The following PHACTR2 variants were observed in gnomAD, a reference collection of about 807,000 sequenced individuals.
The protein encoded by PHACTR2 is phosphatase and actin regulator 2.
A neutral mutation model predicts 76.0 loss-of-function variants in PHACTR2; 30 were observed. The ratio of observed to expected loss-of-function variants is 0.39; its 90% CI spans 0.30 to 0.54. PHACTR2 has a LOEUF of 0.54. Ranked by LOEUF, PHACTR2 falls within the 20% of genes least tolerant of loss-of-function variation. PHACTR2 has a pLI of 0.61. For synonymous variants in PHACTR2, 292 were observed against 292.5 expected (o/e 1.00, Z 0.02); for missense variants, 696 against 781.1 (o/e 0.89, Z 1.30).
At chr6:143,584,304 C>T (rs1775602452) in intron 1 of PHACTR2, among the ~76,000 whole-genome samples, 1 of 152,196 alleles carries the variant, frequency 6.6e-6, no homozygotes. Context: ...CTAGAGACTT[C>T]ATTTTGCGTC....
Position 143,571,519 on chromosome 6 carries a change from C to A in PHACTR2, c.217+34312C>A, listed in dbSNP as rs1025755704. Among the ~76,000 whole-genome samples, 2 of 152,160 alleles carry A rather than the reference C, an allele frequency of 1.3e-5. No individual in the cohort carries two copies. Among genetic ancestry groups the A allele is most frequent in the Non-Finnish European group, 2.9e-5 (2 of 68,020 alleles). ...TCTTGACTGAGCTCAAACAATCCTC[C>A]CACCTCAGCCTCCTGAGCAGCTGGG... On this transcript the variant is annotated intron_variant, in intron 1 of 11. Transcript: ENST00000367584. This position sits in a 1 kb window ranked among gnomAD's most constrained non-coding sequence, Gnocchi z 4.6.
rs1779446104 is a variant in PHACTR2, at chr6:143,761,670, C to A, written c.694+1030C>A. Among the ~76,000 whole-genome samples, 2 of 152,068 alleles carry A rather than the reference C, an allele frequency of 1.3e-5. No homozygotes were observed. Among genetic ancestry groups the A allele is most frequent in the Admixed American group, 1.3e-4 (2 of 15,270 alleles). ...TCAGGAGGCTGAGGCAGGAAAATCG[C>A]TTGAACCCAGGAGGCAGAAGTTGCG... On this transcript the variant is annotated intron_variant, in intron 5 of 12. Transcript: ENST00000440869. The surrounding 1 kb of genome is among the most constrained non-coding windows in gnomAD (Gnocchi z 5.2).
At chr6:143,713,388 C>A (rs1280287407) in intron 2 of PHACTR2, among the ~76,000 whole-genome samples, 2 of 152,082 alleles carry the variant, frequency 1.3e-5, no homozygotes, top group African/African-American at 2.4e-5. Context: ...TCAAGCTGGG[C>A]AATGGGTCCA....
chr6:143,829,164 A>C lies in PHACTR2; in HGVS notation c.*5475A>C, dbSNP rs968975838. On this transcript the variant is annotated 3_prime_UTR_variant, in exon 13 of 13. Transcript: ENST00000440869. ...ACTTAAAGTCCCTATATATACTTAA[A>C]GGAGAGATCATACATGAAGAAAGCT... 6.8e-6 allele frequency: 1 copy of C among 147,680 alleles called. No homozygotes were observed. Among genetic ancestry groups the C allele is most frequent in the Non-Finnish European group, 1.5e-5 (1 of 67,322 alleles). 9.1% of individuals were successfully genotyped at this position (147,680 alleles called of 1,614,324 possible).
chr6:143,803,771 C>A lies in PHACTR2; in HGVS notation c.1846-3286C>A, dbSNP rs142498166. ...CTGTATTTTGTAAATAGGAATACCA[C>A]TACTAAAACCATAATGCTATAAATA... On this transcript the variant is annotated intron_variant, in intron 11 of 12. Coordinates refer to ENST00000440869, the MANE Select transcript of PHACTR2 (RefSeq NM_001100164.2). The surrounding 1 kb of genome is among the most constrained non-coding windows in gnomAD (Gnocchi z 4.7). Among the ~76,000 whole-genome samples the A allele has an allele frequency of 1.4e-3, 210 of 152,300 alleles. No homozygotes were observed. The highest frequency in any genetic ancestry group is 4.8e-3 in the African/African-American group (198 of 41,570).
chr6:143,779,689 A>G (rs1775372740), intron 9 of PHACTR2, among the ~76,000 whole-genome samples: 1 of 151,956 alleles, frequency 6.6e-6, no homozygotes, highest in Admixed American at 6.6e-5. Context: ...AAACTAATTC[A>G]CAGAATAAAA....
Position 143,733,776 on chromosome 6 carries a change from T to C in PHACTR2, c.215-15209T>C, listed in dbSNP as rs936341270. On this transcript the variant is annotated intron_variant, in intron 2 of 12. Coordinates refer to ENST00000440869, the MANE Select transcript of PHACTR2 (RefSeq NM_001100164.2). This position sits in a 1 kb window ranked among gnomAD's most constrained non-coding sequence, Gnocchi z 4.0. The stretch of plus-strand genomic sequence containing the variant: ...TCTCAGAAAGGAAGTGTGGTGGGGG[T>C]TGTATTTTAATTCAACCATTTGTGT... Among the ~76,000 whole-genome samples the C allele has an allele frequency of 6.6e-6, 1 of 152,090 alleles. No homozygotes were observed. Among genetic ancestry groups the C allele is most frequent in the African/African-American group, 2.4e-5 (1 of 41,396 alleles).
rs1313442352 is a variant in PHACTR2 at position 143,678,245 on chromosome 6, G to T, written c.46+36G>T. The stretch of plus-strand genomic sequence containing the variant: ...GGCGCACGCGATGCGCTCCCGCCGC[G>T]CGGGCGCAGGGCTGGCGGCGGGGCC... On this transcript the variant is annotated intron_variant, in intron 1 of 12. Transcript: ENST00000440869. This position sits in a 1 kb window ranked among gnomAD's most constrained non-coding sequence, Gnocchi z 6.2. 2.1e-6 allele frequency: 3 copies of T among 1,454,304 alleles called. No homozygotes were observed. The highest frequency in any genetic ancestry group is 1.4e-5 in the South Asian group (1 of 70,992). 90.1% of individuals were successfully genotyped at this position (1,454,304 alleles called of 1,614,324 possible).
In PHACTR2 at chr6:143,819,478, G is replaced by A. The variant is rs1407329559; in HGVS notation, c.1923-4196G>A. On this transcript the variant is annotated intron_variant, in intron 12 of 12. Coordinates refer to ENST00000440869, the MANE Select transcript of PHACTR2 (RefSeq NM_001100164.2). The surrounding 1 kb of genome is among the most constrained non-coding windows in gnomAD (Gnocchi z 5.0). ...ATTTATTAGGGCAATTGGCTCACAT[G>A]ATAATGGATGCTGAGAAGTCCCAGA... Among the ~76,000 whole-genome samples the A allele has an allele frequency of 6.6e-6, 1 of 152,162 alleles. No homozygotes were observed. The highest frequency in any genetic ancestry group is 1.5e-5 in the Non-Finnish European group (1 of 68,028).
rs1235252168 is a variant in PHACTR2, at chr6:143,539,853, C to T, written c.217+2646C>T. On this transcript the variant is annotated intron_variant, in intron 1 of 11. Coordinates refer to the PHACTR2 transcript ENST00000367584. This position sits in a 1 kb window ranked among gnomAD's most constrained non-coding sequence, Gnocchi z 4.3. ...CTCCCACACTGGTTTTCAAACTTGG[C>T]TACACGTAGGAATTGCTTGGGGAGT... is the stretch of plus-strand genomic sequence containing the variant. 6.6e-6 allele frequency among the ~76,000 whole-genome samples: 1 copy of T among 152,132 alleles called. No individual in the cohort carries two copies. The highest frequency in any genetic ancestry group is 1.5e-5 in the Non-Finnish European group (1 of 68,010).
intron 2 of PHACTR2, among the ~76,000 whole-genome samples, chr6:143,714,886 T>C (rs1190600112): frequency 1.3e-5 from 2 of 152,144 alleles, no homozygotes; most frequent in Non-Finnish European, 2.9e-5. Context: ...TGGTGGGAGG[T>C]GAGGATATAA....
rs1776989191 is a variant in PHACTR2, at chr6:143,663,972, T to C, written c.14-48044T>C. Among the ~76,000 whole-genome samples, 1 of 152,048 alleles carries C rather than the reference T, an allele frequency of 6.6e-6. No homozygotes were observed. The highest frequency in any genetic ancestry group is 1.5e-5 in the Non-Finnish European group (1 of 67,970). On this transcript the variant is annotated intron_variant, in intron 1 of 11. Transcript: ENST00000305766. The surrounding 1 kb of genome is among the most constrained non-coding windows in gnomAD (Gnocchi z 4.1). ...CCTTAAAAATATTTTGTTTTCATGA[T>C]CTATTAGTTTTTGATGGTATGTTAA...
At chr6:143,799,690 G>A (rs1228164873) in intron 11 of PHACTR2, among the ~76,000 whole-genome samples, 2 of 151,696 alleles carry the variant, frequency 1.3e-5, no homozygotes, top group Non-Finnish European at 2.9e-5. Context: ...ACGTAGCTGT[G>A]CGGTTTTGAG....
In PHACTR2 at chr6:143,801,463, A is replaced by G. The variant is rs971693580; in HGVS notation, c.1846-5594A>G. Among the ~76,000 whole-genome samples the G allele has an allele frequency of 4.5e-4, 68 of 152,110 alleles. No individual in the cohort carries two copies. Among genetic ancestry groups the G allele is most frequent in the African/African-American group, 1.6e-3 (66 of 41,494 alleles). On this transcript the variant is annotated intron_variant, in intron 11 of 12. Coordinates refer to ENST00000440869, the MANE Select transcript of PHACTR2 (RefSeq NM_001100164.2). The surrounding 1 kb of genome is among the most constrained non-coding windows in gnomAD (Gnocchi z 4.6). ...TCATTAATTTGATCTTCAATCACTGATATACTTTCTTCCGCTTGATCGAAG... is the reference window on the plus strand; with the variant it reads ...TCATTAATTTGATCTTCAATCACTGGTATACTTTCTTCCGCTTGATCGAAG...
At chr6:143,564,190 TGTGTGC>T (rs1369173991) in intron 1 of PHACTR2, among the ~76,000 whole-genome samples, 1,510 of 80,602 alleles carry the variant, frequency 0.019, 56 homozygotes, top group Non-Finnish European at 0.027. Flanking sequence ...TGTATGTGTG[TGTGTGC>T]ATATATATAT....
intron 1 of PHACTR2, among the ~76,000 whole-genome samples, chr6:143,540,011 G>A (rs1347824623): frequency 6.6e-6 from 1 of 152,088 alleles, no homozygotes; most frequent in Non-Finnish European, 1.5e-5. Context: ...GCCATATTAT[G>A]TCACCCTGGC....
intron 1 of PHACTR2, among the ~76,000 whole-genome samples, chr6:143,584,245 G>A (rs1775601691): frequency 6.6e-6 from 1 of 152,166 alleles, no homozygotes; most frequent in African/African-American, 2.4e-5. Context: ...GCCCGTCATG[G>A]ACTGGGACCA....
At position 143,689,062 on chromosome 6, in the gene PHACTR2, A is replaced by C. The variant is rs1312091516; in HGVS notation, c.46+10853A>C. Among the ~76,000 whole-genome samples, 2 of 151,994 alleles carry C rather than the reference A, an allele frequency of 1.3e-5. No homozygotes were observed. The highest frequency in any genetic ancestry group is 2.4e-5 in the African/African-American group (1 of 41,388). On this transcript the variant is annotated intron_variant, in intron 1 of 12. Transcript: ENST00000440869. This position sits in a 1 kb window ranked among gnomAD's most constrained non-coding sequence, Gnocchi z 4.4. ...AAACAAGCCTGGATCAGTCCCACCC[A>C]TGGACCTTGGCCGTTGCTGCACCCT...
At chr6:143,632,898 T>C (rs1244123339) in intron 1 of PHACTR2, among the ~76,000 whole-genome samples, 1 of 152,222 alleles carries the variant, frequency 6.6e-6, no homozygotes, top group African/African-American at 2.4e-5. Context: ...CTTAGTAGTA[T>C]GCACTTAAGG....
Sources: gnomAD v4.1 joint callset for allele counts (sites outside exome capture counted in the v4.1 genomes callset) on GRCh38, gnomAD v4.1.1 for gene constraint, Gnocchi (gnomAD v3.1) non-coding constraint, MANE v1.5 for transcripts, NCBI Gene and HGNC (gene_info 2026-07-23, HGNC 2026-07-21) for gene names.